Variants in BACH2 observed in about 807,000 individuals in gnomAD.
BACH2 encodes the protein transcription regulator protein BACH2.
A neutral mutation model predicts 61.8 loss-of-function variants in BACH2; 5 were observed. The observed-to-expected ratio is 0.08, with a 90% confidence interval of 0.04 to 0.17. The LOEUF (loss-of-function observed/expected upper bound fraction) is 0.17. Among genes scored for constraint, BACH2 ranks in the 10% least tolerant of loss-of-function variants. The probability of loss-of-function intolerance (pLI) is 1.00; values close to 1 mark genes in which losing one functional copy is unlikely to be tolerated. For synonymous variants in BACH2, 446 were observed against 440.1 expected (o/e 1.01, Z -0.17); for missense variants, 824 against 1,091.1 (o/e 0.76, Z 3.45).
At chr6:90,057,741 C>T (rs921372067) in intron 5 of BACH2, among the ~76,000 whole-genome samples, 4 of 152,184 alleles carry the variant, frequency 2.6e-5, no homozygotes, top group Non-Finnish European at 5.9e-5. Flanking sequence ...TACTGGCAAA[C>T]TGAATCCAGC....
intron 3 of BACH2, among the ~76,000 whole-genome samples, chr6:90,235,144 T>C (rs192057072): frequency 6.4e-4 from 97 of 152,362 alleles, no homozygotes; most frequent in Admixed American, 2.1e-3. Context: ...AACACCTAAT[T>C]TGCAGAAGTT....
rs532023200 is a variant in BACH2 at position 90,109,018 on chromosome 6, A to T, written c.-161-19909T>A. Among the ~76,000 whole-genome samples, 3 of 152,236 alleles carry T rather than the reference A, an allele frequency of 2.0e-5. No individual in the cohort carries two copies. The East Asian group carries it at 5.8e-4, about 29-fold the overall frequency. On this transcript the variant is annotated intron_variant, in intron 4 of 8. Coordinates refer to ENST00000257749, the MANE Select transcript of BACH2 (RefSeq NM_021813.4). Reference sequence around the variant, plus strand: ...TCTCTCCTGGACCATTTCCACTGGCATATCTTAAATCCCTTCTTGATGCCA... The same window carrying T: ...TCTCTCCTGGACCATTTCCACTGGCTTATCTTAAATCCCTTCTTGATGCCA...
intron 2 of BACH2, among the ~76,000 whole-genome samples, chr6:90,265,263 T>C (rs1373051511): frequency 6.6e-6 from 1 of 152,202 alleles, no homozygotes; most frequent in Non-Finnish European, 1.5e-5. Context: ...CCCTTTTTTA[T>C]AAAATCCTTC....
intron 3 of BACH2, among the ~76,000 whole-genome samples, chr6:90,216,104 T>A (rs1769526940): frequency 6.6e-6 from 1 of 152,190 alleles, no homozygotes; most frequent in East Asian, 1.9e-4. Flanking sequence ...GTCACTGCGT[T>A]CTCCGACAGC....
chr6:90,056,037 T>C (rs1320355564), intron 5 of BACH2, among the ~76,000 whole-genome samples: 3 of 152,098 alleles, frequency 2.0e-5, no homozygotes, highest in Non-Finnish European at 2.9e-5. Flanking sequence ...GTAAAGACCA[T>C]CAAGGCTAGG....
chr6:90,208,754 A>G (rs897761449), intron 3 of BACH2, among the ~76,000 whole-genome samples: 2 of 152,220 alleles, frequency 1.3e-5, no homozygotes, highest in African/African-American at 2.4e-5. Flanking sequence ...ACATGCAGAT[A>G]TATGTTTATT....
chr6:90,014,432 G>GTGTGTGTGTGTA (rs1562369784), intron 5 of BACH2, among the ~76,000 whole-genome samples: 1 of 72,640 alleles, frequency 1.4e-5, no homozygotes, highest in Non-Finnish European at 2.3e-5. Flanking sequence ...GTGTGTGTGT[G>GTGTGTGTGTGTA]TGTGTGTGTA....
At chr6:90,268,415 G>GAA (rs1771415314) in intron 2 of BACH2, among the ~76,000 whole-genome samples, 1 of 152,150 alleles carries the variant, frequency 6.6e-6, no homozygotes, top group African/African-American at 2.4e-5. Context: ...CTCCTAAGTT[G>GAA]TATATATTCT....
intron 5 of BACH2, among the ~76,000 whole-genome samples, chr6:90,028,229 TA>T: frequency 6.6e-6 from 1 of 152,382 alleles, no homozygotes; most frequent in East Asian, 1.9e-4. Flanking sequence ...ACTATTTGAC[TA>T]ATCCTACACA....
intron 6 of BACH2, among the ~76,000 whole-genome samples, chr6:89,961,694 G>A (rs1371389656): frequency 6.6e-6 from 1 of 152,166 alleles, no homozygotes; most frequent in Non-Finnish European, 1.5e-5. Context: ...TTCAGGAATG[G>A]AAGTTTTGGC....
intron 4 of BACH2, among the ~76,000 whole-genome samples, chr6:90,177,962 T>C (rs1768034375): frequency 1.3e-5 from 2 of 152,152 alleles, no homozygotes; most frequent in Admixed American, 6.5e-5. Flanking sequence ...GTCAAGAAAA[T>C]GTCCACTTTT....
chr6:89,952,645 T>C (rs1002389818), intron 6 of BACH2, among the ~76,000 whole-genome samples: 2 of 152,238 alleles, frequency 1.3e-5, no homozygotes, highest in African/African-American at 4.8e-5. Flanking sequence ...TCCCTAATTA[T>C]TAGCAGCAGC....
intron 3 of BACH2, among the ~76,000 whole-genome samples, chr6:90,211,688 T>A (rs2325261): frequency 0.099 from 14,992 of 151,118 alleles, 1,093 homozygotes; most frequent in East Asian, 0.38. Flanking sequence ...TGGAATATGG[T>A]GAGTTGGGCT....
At chr6:90,175,827 A>C (rs894430341) in intron 4 of BACH2, among the ~76,000 whole-genome samples, 1 of 152,068 alleles carries the variant, frequency 6.6e-6, no homozygotes, top group Non-Finnish European at 1.5e-5. Context: ...AAATTCACCA[A>C]TCTAGAGACA....
intron 5 of BACH2, among the ~76,000 whole-genome samples, chr6:90,065,531 T>C (rs1223155506): frequency 6.6e-6 from 1 of 151,930 alleles, no homozygotes; most frequent in Admixed American, 6.6e-5. Context: ...GAAGCAGCCA[T>C]AGACGATATG....
chr6:90,056,039 A>G (rs371122884), intron 5 of BACH2, among the ~76,000 whole-genome samples: 1 of 152,194 alleles, frequency 6.6e-6, no homozygotes, highest in Non-Finnish European at 1.5e-5. Context: ...AAAGACCATC[A>G]AGGCTAGGAA....
chr6:90,092,502 T>C (rs1782213890), intron 4 of BACH2, among the ~76,000 whole-genome samples: 1 of 151,950 alleles, frequency 6.6e-6, no homozygotes, highest in Non-Finnish European at 1.5e-5. Context: ...CACAGTAGCT[T>C]TGTTATGCTG....
chr6:90,273,751 A>G (rs1771601608), intron 1 of BACH2, among the ~76,000 whole-genome samples: 1 of 152,020 alleles, frequency 6.6e-6, no homozygotes, highest in African/African-American at 2.4e-5. Context: ...TCCCTAAATC[A>G]AGTTGTTTTT....
At position 90,054,017 on chromosome 6, in the gene BACH2, C is replaced by T. The variant is rs140428398; in HGVS notation, c.-13+34944G>A. 2.7e-3 allele frequency among the ~76,000 whole-genome samples: 406 copies of T among 152,124 alleles called. 8 individuals are homozygous for T. Among genetic ancestry groups the T allele is most frequent in the East Asian group, 0.019 (97 of 5,182 alleles). ...CAAGATGGCCGAATAGGAACAGCTCCGGTCTACAGCTCCCAGCGTGAGCGA... is the reference window on the plus strand; with the variant it reads ...CAAGATGGCCGAATAGGAACAGCTCTGGTCTACAGCTCCCAGCGTGAGCGA... On this transcript the variant is annotated intron_variant, in intron 5 of 8. Transcript: ENST00000257749.
Sources: allele counts gnomAD v4.1 joint callset (sites outside exome capture counted in the v4.1 genomes callset), GRCh38; gene constraint gnomAD v4.1.1; transcripts MANE v1.5; gene names NCBI Gene and HGNC (gene_info 2026-07-23, HGNC 2026-07-21).